Variants in STRAP observed in about 807,000 individuals in gnomAD.
STRAP encodes serine/threonine kinase receptor associated protein, also known as serine-threonine kinase receptor-associated protein.
A neutral mutation model predicts 47.0 loss-of-function variants in STRAP; 16 were observed. That is an observed-to-expected ratio of 0.34 (90% CI 0.23 to 0.52). The LOEUF (loss-of-function observed/expected upper bound fraction) is 0.52, where lower values mean the gene tolerates loss of function less well. Among genes scored for constraint, STRAP ranks in the 20% least tolerant of loss-of-function variants. The pLI, the probability that STRAP is intolerant of heterozygous loss-of-function variation, is 0.96. For synonymous variants in STRAP, 130 were observed against 142.7 expected (o/e 0.91, Z 0.63); for missense variants, 293 against 420.0 (o/e 0.70, Z 2.64).
intron 4 of STRAP, among the ~76,000 whole-genome samples, chr12:15,891,571 C>A (rs549102967): frequency 1.3e-5 from 2 of 152,324 alleles, no homozygotes; most frequent in South Asian, 4.1e-4. Flanking sequence ...AACATCCTTA[C>A]AGTTGCAAAT....
Position 15,903,144 on chromosome 12 carries a change from G to A in STRAP, c.*166G>A. ...ACAACTAACTAACTTGGTGTTACCT[G>A]TAAGTGAAAACTCAAGTGTCAGATG... On this transcript the variant is annotated 3_prime_UTR_variant, in exon 10 of 10. Transcript: ENST00000419869. 1 of 653,898 alleles carries A rather than the reference G, an allele frequency of 1.5e-6. No homozygotes were observed. The highest frequency in any genetic ancestry group is 2.3e-6 in the Non-Finnish European group (1 of 437,016). 40.5% of individuals were successfully genotyped at this position (653,898 alleles called of 1,614,324 possible).
chr12:15,895,414 G>A lies in STRAP; in HGVS notation c.556G>A (p.Val186Ile). 1 of 1,604,266 alleles carries A rather than the reference G, an allele frequency of 6.2e-7. No homozygotes were observed. Among genetic ancestry groups the A allele is most frequent in the Non-Finnish European group, 8.5e-7 (1 of 1,177,272 alleles). The change falls in exon 6 of 10, where the codon GTT becomes ATT. Residue 186 changes from valine (V) to isoleucine (I), a missense_variant. By Grantham distance (29) the Val-to-Ile change is conservative. Transcript: ENST00000419869. ...EVKSLNFNMS[V>I]SSMEYIPEGE... ...GAAATCTCTAAATTTTAATATGTCT[G>A]TTAGTAGTATGGAATATATTCCTGA... is the stretch of plus-strand genomic sequence containing the variant.
At chr12:15,899,746 A>G (rs111972898) in intron 7 of STRAP, among the ~76,000 whole-genome samples, 158 bp from the exon 8 acceptor site, 174 of 152,296 alleles carry the variant, frequency 1.1e-3, no homozygotes, top group African/African-American at 3.7e-3. Context: ...GGTCAATGAT[A>G]TACCACTTTT....
chr12:15,898,479 A>C (rs1475403821), intron 7 of STRAP, among the ~76,000 whole-genome samples: 4 of 152,170 alleles, frequency 2.6e-5, no homozygotes, highest in Non-Finnish European at 5.9e-5. Context: ...TGGGGGAAAA[A>C]TCAGTATAGC....
rs1948064844 is a variant in STRAP at position 15,896,960 on chromosome 12, ATAC to A, written c.639-921_639-919del. Among the ~76,000 whole-genome samples the A allele has an allele frequency of 6.6e-6, 1 of 152,236 alleles. No homozygotes were observed. Among genetic ancestry groups the A allele is most frequent in the Non-Finnish European group, 1.5e-5 (1 of 68,036 alleles). ...GCAATTAAGCAATGTCAAGGAGTTT[ATAC>A]ACATACAGTAAACTGATAGTAGTAG... On this transcript the variant is annotated intron_variant, in intron 6 of 9. Transcript: ENST00000419869. The surrounding 1 kb of genome is among the most constrained non-coding windows in gnomAD (Gnocchi z 4.1).
rs73057103 is a variant in STRAP, at chr12:15,896,917, C to T, written c.639-965C>T. Among the ~76,000 whole-genome samples, 916 of 152,244 alleles carry T rather than the reference C, an allele frequency of 6.0e-3. 12 individuals carry two copies. Among genetic ancestry groups the T allele is most frequent in the Admixed American group, 0.019 (295 of 15,292 alleles). On this transcript the variant is annotated intron_variant, in intron 6 of 9. Coordinates refer to ENST00000419869, the MANE Select transcript of STRAP (RefSeq NM_007178.4). This position sits in a 1 kb window ranked among gnomAD's most constrained non-coding sequence, Gnocchi z 4.1. ...AGGGCTAACTGGGAGAAAGAAAAGG[C>T]GGTAAAATTGGAGGAGAGCAATTAA...
In STRAP at chr12:15,890,507, C is replaced by A; in HGVS notation, c.331-90C>A. 1 of 1,078,132 alleles carries A rather than the reference C, an allele frequency of 9.3e-7. No homozygotes were observed. Among genetic ancestry groups the A allele is most frequent in the Non-Finnish European group, 1.4e-6 (1 of 711,816 alleles). The allele number at this position is 1,078,132 out of a possible 1,614,324, so 66.8% of individuals were successfully genotyped here. ...GGCATCTCTTTGTGATGTCTGTGAG[C>A]TAGATTTTGATTTTATTTGGTGTTG... On this transcript the variant is annotated intron_variant, in intron 3 of 9. Coordinates refer to ENST00000419869, the MANE Select transcript of STRAP (RefSeq NM_007178.4). The surrounding 1 kb of genome is among the most constrained non-coding windows in gnomAD (Gnocchi z 4.5).
intron 4 of STRAP, among the ~76,000 whole-genome samples, chr12:15,893,622 TAAA>T (rs1414224167): frequency 6.8e-6 from 1 of 147,822 alleles, no homozygotes; most frequent in Admixed American, 6.8e-5. Context: ...ATTGTACAAA[TAAA>T]TATTGTATAT....
intron 8 of STRAP, among the ~76,000 whole-genome samples, chr12:15,900,307 G>A (rs1339120616): frequency 4.0e-5 from 6 of 151,774 alleles, no homozygotes; most frequent in African/African-American, 7.3e-5. Context: ...TGAGGCGGGC[G>A]GATCACAGGG....
intron 6 of STRAP, among the ~76,000 whole-genome samples, chr12:15,895,952 G>T (rs1396119386): frequency 2.0e-5 from 3 of 151,854 alleles, no homozygotes; most frequent in African/African-American, 7.3e-5. Context: ...GCTGGGCGTG[G>T]TGGCTCACGT....
chr12:15,883,212 T>G (rs1947939088), intron 1 of STRAP: 1 of 1,380,022 alleles, frequency 7.2e-7, no homozygotes, highest in Non-Finnish European at 9.9e-7. Flanking sequence ...TCACTGGATA[T>G]TCCTTTGTGG....
chr12:15,897,954 T>C lies in STRAP; in HGVS notation c.711T>C (p.Phe237=). Residue 237 remains phenylalanine, a synonymous_variant, in exon 7 of 10, where the codon TTT becomes TTC. Transcript: ENST00000419869. The part of the protein sequence containing the change: ...NSASLHPEKE[F]LVAGGEDFKL... ...CATCTCTTCATCCTGAGAAAGAATT[T>C]CTTGTTGCAGGCGGTGAAGATTTTA... 1 of 1,603,552 alleles carries C rather than the reference T, an allele frequency of 6.2e-7. No individual in the cohort carries two copies. The highest frequency in any genetic ancestry group is 8.5e-7 in the Non-Finnish European group (1 of 1,176,060).
In STRAP at chr12:15,894,568, C is replaced by T. The variant is rs1178956117; in HGVS notation, c.500+425C>T. Among the ~76,000 whole-genome samples the T allele has an allele frequency of 6.6e-6, 1 of 152,140 alleles. No individual in the cohort carries two copies. The highest frequency in any genetic ancestry group is 1.5e-5 in the Non-Finnish European group (1 of 68,014). ...TCTGAACATTAAAATTTAAGTTGCACCCAGGTCACATTTATCTGGAGCTAT... is the reference window on the plus strand; with the variant it reads ...TCTGAACATTAAAATTTAAGTTGCATCCAGGTCACATTTATCTGGAGCTAT... On this transcript the variant is annotated intron_variant, in intron 5 of 9. Coordinates refer to ENST00000419869, the MANE Select transcript of STRAP (RefSeq NM_007178.4). This position sits in a 1 kb window ranked among gnomAD's most constrained non-coding sequence, Gnocchi z 4.9.
At chr12:15,888,202 G>C (rs1207656984) in intron 2 of STRAP, among the ~76,000 whole-genome samples, 1 of 152,156 alleles carries the variant, frequency 6.6e-6, no homozygotes, top group African/African-American at 2.4e-5. Context: ...AGGGTGAGTA[G>C]AACTTTAATA....
At position 15,900,396 on chromosome 12, in the gene STRAP, G is replaced by T. The variant is rs568856340; in HGVS notation, c.925+343G>T. Among the ~76,000 whole-genome samples, 11 of 152,052 alleles carry T rather than the reference G, an allele frequency of 7.2e-5. No individual in the cohort carries two copies. The East Asian group carries it at 2.1e-3, about 29-fold the overall frequency. ...AATACAAAAATTAGCCAGGTGTGGT[G>T]GTACATGCCTGTAATCCCAGCTACT... On this transcript the variant is annotated intron_variant, in intron 8 of 9. Coordinates refer to ENST00000419869, the MANE Select transcript of STRAP (RefSeq NM_007178.4).
intron 7 of STRAP, 74 bp from the exon 8 acceptor site, chr12:15,899,830 A>G: frequency 7.2e-7 from 1 of 1,389,098 alleles, no homozygotes. Context: ...TAACACAGAC[A>G]GTATTTTTTT....
chr12:15,899,104 T>C (rs1253940168), intron 7 of STRAP, among the ~76,000 whole-genome samples: 2 of 152,230 alleles, frequency 1.3e-5, no homozygotes, highest in African/African-American at 2.4e-5. Context: ...TTGAGAGAAC[T>C]GAATTATTTG....
chr12:15,889,900 C>G, intron 2 of STRAP, 28 bp from the exon 3 acceptor site: 1 of 1,574,776 alleles, frequency 6.4e-7, no homozygotes, highest in Non-Finnish European at 8.7e-7. Flanking sequence ...AATATTTATC[C>G]TACTAATTTT....
intron 4 of STRAP, among the ~76,000 whole-genome samples, chr12:15,892,378 C>T (rs1039302850): frequency 6.6e-6 from 1 of 151,830 alleles, no homozygotes; most frequent in African/African-American, 2.4e-5. Flanking sequence ...GGTGTCTTCC[C>T]CAGTCTACAT....
Sources: gnomAD v4.1 joint callset for allele counts (sites outside exome capture counted in the v4.1 genomes callset) on GRCh38, gnomAD v4.1.1 for gene constraint, Gnocchi (gnomAD v3.1) non-coding constraint, MANE v1.5 for transcripts, NCBI Gene and HGNC (gene_info 2026-07-23, HGNC 2026-07-21) for gene names.